Variants in IYD observed in about 807,000 individuals in gnomAD.
IYD encodes iodotyrosine deiodinase 1.
Under a neutral mutation model 28.4 loss-of-function variants are expected in IYD, and 25 were observed. The observed-to-expected ratio is 0.88, with a 90% confidence interval of 0.64 to 1.23. IYD has a LOEUF of 1.23. Among genes scored for constraint, IYD ranks in the 50% most tolerant of loss-of-function variants. The pLI is 0.00. For missense variants in IYD, 352 were observed against 357.9 expected (o/e 0.98, Z 0.13); for synonymous variants, 140 against 130.8 (o/e 1.07, Z -0.48).
intron 1 of IYD, among the ~76,000 whole-genome samples, chr6:150,379,774 A>G (rs1777580417): frequency 6.6e-6 from 1 of 152,176 alleles, no homozygotes; most frequent in South Asian, 2.1e-4. Context: ...GTCCCATTCA[A>G]TTCCCAAAGG....
chr6:150,389,119 C>T (rs1019277060), intron 1 of IYD, among the ~76,000 whole-genome samples: 1 of 152,208 alleles, frequency 6.6e-6, no homozygotes, highest in Non-Finnish European at 1.5e-5. Flanking sequence ...ATCCTCTCAC[C>T]TCTGTCTCCA....
intron 1 of IYD, among the ~76,000 whole-genome samples, chr6:150,379,900 A>G (rs184187474): frequency 7.2e-5 from 11 of 152,252 alleles, no homozygotes; most frequent in Non-Finnish European, 1.5e-4. Flanking sequence ...AAGCATTTGG[A>G]CCCCGTTGGG....
intron 1 of IYD, among the ~76,000 whole-genome samples, chr6:150,378,944 A>G (rs940422211): frequency 2.0e-5 from 3 of 152,196 alleles, no homozygotes; most frequent in Non-Finnish European, 2.9e-5. Context: ...TCTTCCTTTC[A>G]TTCCTCCTGG....
intron 3 of IYD, among the ~76,000 whole-genome samples, chr6:150,393,412 A>G (rs1338675572): frequency 3.9e-5 from 6 of 152,236 alleles, no homozygotes; most frequent in Non-Finnish European, 8.8e-5. Context: ...TTCATAGCGT[A>G]AGAGGAGCCA....
intron 1 of IYD, among the ~76,000 whole-genome samples, chr6:150,373,738 A>C (rs1777352354): frequency 6.6e-6 from 1 of 152,204 alleles, no homozygotes; most frequent in Non-Finnish European, 1.5e-5. Flanking sequence ...ACTGCCAAAA[A>C]TTCTATATTA....
intron 1 of IYD, among the ~76,000 whole-genome samples, chr6:150,388,646 T>TCTTTCTTC (rs1481149240): frequency 1.8e-5 from 1 of 55,942 alleles, no homozygotes; most frequent in East Asian, 3.3e-4. Context: ...TTTCTTTCTT[T>TCTTTCTTC]CTTTCTTTCT....
In IYD at chr6:150,398,387, C is replaced by A; in HGVS notation, c.*150C>A. Reference sequence around the variant, plus strand: ...CAGGTGGCCACACTATGTCAAGAAGCCTCTCCACACTCTGTGGCACTTCCA... The same window carrying A: ...CAGGTGGCCACACTATGTCAAGAAGACTCTCCACACTCTGTGGCACTTCCA... On this transcript the variant is annotated 3_prime_UTR_variant, in exon 5 of 5. Transcript: ENST00000344419. The A allele has an allele frequency of 3.0e-6, 2 of 675,790 alleles. No individual in the cohort carries two copies. Among genetic ancestry groups the A allele is most frequent in the Non-Finnish European group, 5.1e-6 (2 of 388,454 alleles). 41.9% of individuals were successfully genotyped at this position (675,790 alleles called of 1,614,324 possible).
At chr6:150,393,934 G>A (rs1027968599) in intron 3 of IYD, among the ~76,000 whole-genome samples, 165 bp from the exon 4 acceptor site, 1 of 152,130 alleles carries the variant, frequency 6.6e-6, no homozygotes, top group African/African-American at 2.4e-5. Flanking sequence ...AATGATCCTG[G>A]TCAGAAAAAG....
At chr6:150,397,955 G>GAAGA in intron 4 of IYD, 100 bp from the exon 5 acceptor site, 1 of 1,177,334 alleles carries the variant, frequency 8.5e-7, no homozygotes, top group Admixed American at 1.7e-5. Flanking sequence ...GAAATGATAG[G>GAAGA]AAGAGCAGGT....
chr6:150,398,281 T>A lies in IYD; in HGVS notation c.*44T>A. On this transcript the variant is annotated 3_prime_UTR_variant, in exon 5 of 5. Coordinates refer to ENST00000344419, the MANE Select transcript of IYD (RefSeq NM_203395.3). ...GTGGCAGGGAGATGGCGCCCCTGCT[T>A]TTCCCTGAGCCTCTCGCCTGCTCCT... 6.3e-7 allele frequency: 1 copy of A among 1,589,746 alleles called. No homozygotes were observed. The highest frequency in any genetic ancestry group is 8.6e-7 in the Non-Finnish European group (1 of 1,159,324).
chr6:150,370,701 T>G (rs1777208454), intron 1 of IYD: 1 of 978,180 alleles, frequency 1.0e-6, no homozygotes, highest in Non-Finnish European at 1.2e-6. Flanking sequence ...GCCTGGATGG[T>G]GGGGGCAGGT....
In IYD at chr6:150,405,213, T is replaced by G. The variant is rs1778611607; in HGVS notation, c.*6976T>G. ...CCCAGGGCTGTTAGCACCTTCCATC[T>G]GCCAGGCCCTCCCTGGTCTAGACCT... On this transcript the variant is annotated 3_prime_UTR_variant, in exon 5 of 5. Transcript: ENST00000344419. 1 of 152,238 alleles carries G rather than the reference T, an allele frequency of 6.6e-6. No homozygotes were observed. The highest frequency in any genetic ancestry group is 1.5e-5 in the Non-Finnish European group (1 of 68,070). The allele number at this position is 152,238 out of a possible 1,614,324, so 9.4% of individuals were successfully genotyped here.
intron 4 of IYD, among the ~76,000 whole-genome samples, chr6:150,397,713 C>A (rs1778376039): frequency 1.3e-5 from 2 of 152,132 alleles, no homozygotes; most frequent in Non-Finnish European, 2.9e-5. Flanking sequence ...CTAAAAGGAA[C>A]TCCCTGTTGT....
At chr6:150,380,322 C>T (rs1160521015) in intron 1 of IYD, among the ~76,000 whole-genome samples, 1 of 152,066 alleles carries the variant, frequency 6.6e-6, no homozygotes, top group African/African-American at 2.4e-5. Context: ...CCACAACTAC[C>T]ACTACCACTA....
chr6:150,403,570 C>G lies in IYD; in HGVS notation c.*5333C>G, dbSNP rs6925386. ...ATCTAAGGCTGATGCCAGGTCTGCTCCCTATCTGGGTGGCCTCAGCAAATG... is the reference window on the plus strand; with the variant it reads ...ATCTAAGGCTGATGCCAGGTCTGCTGCCTATCTGGGTGGCCTCAGCAAATG... On this transcript the variant is annotated 3_prime_UTR_variant, in exon 5 of 5. Transcript: ENST00000344419. 1.3e-5 allele frequency: 2 copies of G among 152,170 alleles called. No individual in the cohort carries two copies. The highest frequency in any genetic ancestry group is 1.9e-4 in the East Asian group (1 of 5,204). 9.4% of individuals were successfully genotyped at this position (152,170 alleles called of 1,614,324 possible). A position where few individuals can be genotyped will look rare whatever the true frequency, so the allele number is the denominator to read the frequency against.
chr6:150,390,696 G>A (rs1431974265), intron 2 of IYD, among the ~76,000 whole-genome samples: 3 of 152,132 alleles, frequency 2.0e-5, no homozygotes, highest in Non-Finnish European at 4.4e-5. Context: ...TCCCACCCAT[G>A]AGTCACTGTG....
chr6:150,373,884 G>A (rs1777356486), intron 1 of IYD, among the ~76,000 whole-genome samples: 1 of 152,228 alleles, frequency 6.6e-6, no homozygotes, highest in African/African-American at 2.4e-5. Flanking sequence ...TAAGAGGTTG[G>A]TTTGCTAGAC....
chr6:150,385,568 ATT>A (rs55819886), intron 1 of IYD, among the ~76,000 whole-genome samples: 1 of 151,030 alleles, frequency 6.6e-6, no homozygotes, highest in East Asian at 1.9e-4. Context: ...GCCAAGATGT[ATT>A]TTTTTTTATA....
chr6:150,382,540 C>T (rs1777685514), intron 1 of IYD, among the ~76,000 whole-genome samples: 1 of 151,478 alleles, frequency 6.6e-6, no homozygotes, highest in African/African-American at 2.4e-5. Flanking sequence ...TCAGATATTG[C>T]CTCTGGCCCA....
Sources: allele counts gnomAD v4.1 joint callset (sites outside exome capture counted in the v4.1 genomes callset), GRCh38; gene constraint gnomAD v4.1.1; transcripts MANE v1.5; gene names NCBI Gene and HGNC (gene_info 2026-07-23, HGNC 2026-07-21).